The following PCDHGA6 variants were observed in gnomAD, a reference collection of about 807,000 sequenced individuals.
PCDHGA6 encodes protocadherin gamma subfamily A, 6, also known as protocadherin gamma-A6.
A neutral mutation model predicts 60.6 loss-of-function variants in PCDHGA6; 41 were observed. That is an observed-to-expected ratio of 0.68 (90% CI 0.53 to 0.88). The LOEUF (loss-of-function observed/expected upper bound fraction) is 0.88, where lower values mean the gene tolerates loss of function less well. Among genes scored for constraint, PCDHGA6 ranks in the 40% least tolerant of loss-of-function variants. PCDHGA6 has a pLI of 0.00. For missense variants in PCDHGA6, 1,312 were observed against 1,203.0 expected (o/e 1.09, Z -1.34); for synonymous variants, 594 against 524.4 (o/e 1.13, Z -1.81).
intron 1 of PCDHGA6, chr5:141,423,343 C>T: frequency 6.2e-7 from 1 of 1,614,208 alleles, no homozygotes; most frequent in South Asian, 1.1e-5. Flanking sequence ...CTGCATCTTC[C>T]TGGTCTTTGT....
chr5:141,423,883 A>G, intron 1 of PCDHGA6: 2 of 1,283,462 alleles, frequency 1.6e-6, no homozygotes, highest in Non-Finnish European at 2.0e-6. Context: ...CAATCTTGGC[A>G]TATTTTCTTT....
chr5:141,510,825 G>C, intron 3 of PCDHGA6, 122 bp from the exon 4 acceptor site: 2 of 1,566,486 alleles, frequency 1.3e-6, no homozygotes, highest in Non-Finnish European at 1.7e-6. Flanking sequence ...TATATTCCCA[G>C]TGCTCAGCGT....
chr5:141,431,511 T>G lies in PCDHGA6; in HGVS notation c.2424+55004T>G, dbSNP rs1234369765. 6.2e-7 allele frequency: 1 copy of G among 1,614,018 alleles called. No individual in the cohort carries two copies. On this transcript the variant is annotated intron_variant, in intron 1 of 3. Transcript: ENST00000517434. The surrounding 1 kb of genome is among the most constrained non-coding windows in gnomAD (Gnocchi z 4.8). ...GCTCAGCCCGAGTACCGCGCGAGCGTTCCGGAGAATCTGGCCTTGGGCACG... is the reference window on the plus strand; with the variant it reads ...GCTCAGCCCGAGTACCGCGCGAGCGGTCCGGAGAATCTGGCCTTGGGCACG...
intron 1 of PCDHGA6, among the ~76,000 whole-genome samples, chr5:141,443,376 T>C (rs1365277469): frequency 6.6e-6 from 1 of 151,990 alleles, no homozygotes; most frequent in Admixed American, 6.6e-5. Flanking sequence ...TCTCAGCTAC[T>C]TGGGAGGCTG....
chr5:141,490,232 A>G lies in PCDHGA6; in HGVS notation c.2425-4575A>G. 6.2e-7 allele frequency: 1 copy of G among 1,614,216 alleles called. No homozygotes were observed. Among genetic ancestry groups the G allele is most frequent in the Non-Finnish European group, 8.5e-7 (1 of 1,180,032 alleles). ...CGTGACCAGGGACAGCCTGCCATGG[A>G]GGGCCACTGTGTGATTCAAGTGGAT... On this transcript the variant is annotated intron_variant, in intron 1 of 3. Transcript: ENST00000517434. This position sits in a 1 kb window ranked among gnomAD's most constrained non-coding sequence, Gnocchi z 5.4.
At chr5:141,465,144 T>A (rs965605798) in intron 1 of PCDHGA6, among the ~76,000 whole-genome samples, 4 of 152,008 alleles carry the variant, frequency 2.6e-5, no homozygotes, top group Admixed American at 6.6e-5. Flanking sequence ...TTAGGGGATA[T>A]ATGAAGGGAC....
rs781198519 is a variant in PCDHGA6 at position 141,432,162 on chromosome 5, G to A, written c.2424+55655G>A. ...TATATCCCAGAGAACAATCCCAGAG[G>A]AGTTTCCCTCGTCTCTGTGACCGCC... On this transcript the variant is annotated intron_variant, in intron 1 of 3. Coordinates refer to ENST00000517434, the MANE Select transcript of PCDHGA6 (RefSeq NM_018919.3). The surrounding 1 kb of genome is among the most constrained non-coding windows in gnomAD (Gnocchi z 6.0). 1 of 1,614,070 alleles carries A rather than the reference G, an allele frequency of 6.2e-7. No homozygotes were observed. The highest frequency in any genetic ancestry group is 8.5e-7 in the Non-Finnish European group (1 of 1,180,030).
chr5:141,448,338 T>A (rs1053822287), intron 1 of PCDHGA6, among the ~76,000 whole-genome samples: 1 of 152,192 alleles, frequency 6.6e-6, no homozygotes, highest in African/African-American at 2.4e-5. Context: ...TATAGCCATG[T>A]ACCTCAATCT....
intron 1 of PCDHGA6, among the ~76,000 whole-genome samples, chr5:141,444,192 A>ATT: frequency 1.9e-5 from 1 of 52,730 alleles, no homozygotes; most frequent in African/African-American, 7.7e-5. Flanking sequence ...TTTTTTTGAG[A>ATT]TGGAGTTTCA....
rs914637211 is a variant in PCDHGA6, at chr5:141,422,245, G to C, written c.2424+45738G>C. The C allele has an allele frequency of 2.2e-5, 34 of 1,566,540 alleles. No individual in the cohort carries two copies. Among genetic ancestry groups the C allele is most frequent in the Non-Finnish European group, 2.8e-5 (32 of 1,162,588 alleles). On this transcript the variant is annotated intron_variant, in intron 1 of 3. Coordinates refer to ENST00000517434, the MANE Select transcript of PCDHGA6 (RefSeq NM_018919.3). ...CACGACGATGTTGATCACTGTTGTG[G>C]ATGTGAATGATAACGCTCCAGAAAT...
chr5:141,484,653 C>G (rs2099598614), intron 1 of PCDHGA6, among the ~76,000 whole-genome samples: 1 of 152,036 alleles, frequency 6.6e-6, no homozygotes, highest in Non-Finnish European at 1.5e-5. Flanking sequence ...AATGGCTACT[C>G]TCCCTCTCAG....
Position 141,425,952 on chromosome 5 carries a change from T to C in PCDHGA6, c.2424+49445T>C, listed in dbSNP as rs1047436598. 3.9e-5 allele frequency among the ~76,000 whole-genome samples: 6 copies of C among 152,364 alleles called. No individual in the cohort carries two copies. In the South Asian group the frequency reaches 8.3e-4, roughly 21 times the overall value. ...ATAAAATGTCTAGTTTCCTATACATTAGTCCAACACATCAGTCTAATTCTG... is the reference window on the plus strand; with the variant it reads ...ATAAAATGTCTAGTTTCCTATACATCAGTCCAACACATCAGTCTAATTCTG... On this transcript the variant is annotated intron_variant, in intron 1 of 3. Coordinates refer to ENST00000517434, the MANE Select transcript of PCDHGA6 (RefSeq NM_018919.3).
At chr5:141,461,893 G>A (rs2099025951) in intron 1 of PCDHGA6, among the ~76,000 whole-genome samples, 1 of 151,772 alleles carries the variant, frequency 6.6e-6, no homozygotes, top group African/African-American at 2.4e-5. Context: ...GCACGATCTC[G>A]GCTCACTGCA....
rs1554136305 is a variant in PCDHGA6, at chr5:141,450,006, CT to C, written c.2425-44783del. Reference sequence around the variant, plus strand: ...CACATTGCATTTAGTTGCCATGTCTCTTTTTTTTTTTTTTTTTTGAGACAGG... The same window carrying C: ...CACATTGCATTTAGTTGCCATGTCTCTTTTTTTTTTTTTTTTTGAGACAGG... On this transcript the variant is annotated intron_variant, in intron 1 of 3. Coordinates refer to ENST00000517434, the MANE Select transcript of PCDHGA6 (RefSeq NM_018919.3). Among the ~76,000 whole-genome samples, 140 of 132,944 alleles carry C rather than the reference CT, an allele frequency of 1.1e-3. 2 individuals are homozygous for C. In the Middle Eastern group the frequency reaches 0.016, roughly 15 times the overall value. 87.2% of individuals were successfully genotyped at this position (132,944 alleles called of 152,430 possible). A position where few individuals can be genotyped will look rare whatever the true frequency, so the allele number is the denominator to read the frequency against.
At chr5:141,419,276 CAA>C in intron 1 of PCDHGA6, 4 of 1,614,038 alleles carry the variant, frequency 2.5e-6, no homozygotes, top group Non-Finnish European at 3.4e-6. Flanking sequence ...CTCCATAGCG[CAA>C]GTCAGTGCCT....
At chr5:141,510,863 A>G in intron 3 of PCDHGA6, 84 bp from the exon 4 acceptor site, 1 of 1,607,492 alleles carries the variant, frequency 6.2e-7, no homozygotes, top group African/African-American at 1.3e-5. Flanking sequence ...CTGTATAGGC[A>G]TTCATTAACT....
intron 1 of PCDHGA6, chr5:141,409,995 C>T: frequency 1.2e-6 from 2 of 1,613,308 alleles, no homozygotes; most frequent in Non-Finnish European, 1.7e-6. Context: ...GACGCCGACT[C>T]GGGACACAAC....
intron 1 of PCDHGA6, chr5:141,421,290 G>C (rs2096561632): frequency 6.2e-7 from 1 of 1,613,130 alleles, no homozygotes; most frequent in African/African-American, 1.3e-5. Flanking sequence ...GCATTTTCCT[G>C]GGGACGCTGC....
chr5:141,415,163 C>A, intron 1 of PCDHGA6: 1 of 1,613,856 alleles, frequency 6.2e-7, no homozygotes. Flanking sequence ...GCCACTGTCA[C>A]GCTCACCGTG....
Sources: gnomAD v4.1 joint callset for allele counts (sites outside exome capture counted in the v4.1 genomes callset) on GRCh38, gnomAD v4.1.1 for gene constraint, Gnocchi (gnomAD v3.1) non-coding constraint, MANE v1.5 for transcripts, NCBI Gene and HGNC (gene_info 2026-07-23, HGNC 2026-07-21) for gene names.